ADGRL2: variants seen among roughly 807,000 people sequenced by gnomAD.
The protein encoded by ADGRL2 is calcium-independent alpha-latrotoxin receptor 2.
ADGRL2 carries 44 observed loss-of-function variants against 157.4 expected under a neutral mutation model. The observed-to-expected ratio is 0.28, with a 90% CI of 0.22 to 0.36. ADGRL2 has a LOEUF of 0.36. ADGRL2 is among the 10% of genes least tolerant of loss of function. ADGRL2 has a pLI of 1.00. For synonymous variants in ADGRL2, 585 were observed against 624.7 expected, an observed-to-expected ratio of 0.94 and a Z score of 0.95; for missense variants, 1,510 against 1,768.9, an observed-to-expected ratio of 0.85 and a Z score of 2.63.
At chr1:81,896,601 T>A (rs1298692142) in intron 2 of ADGRL2, among the ~76,000 whole-genome samples, 1 of 152,188 alleles carries the variant, frequency 6.6e-6, no homozygotes, top group Non-Finnish European at 1.5e-5. Flanking sequence ...ACTGTGGTCT[T>A]TTTGTTTCTT....
At chr1:81,762,922 A>T (rs2085939733) in intron 2 of ADGRL2, among the ~76,000 whole-genome samples, 1 of 151,560 alleles carries the variant, frequency 6.6e-6, no homozygotes, top group Non-Finnish European at 1.5e-5. Context: ...TGTGGTGGTG[A>T]GCCCCTGTAG....
chr1:81,663,461 T>G (rs1360909741), intron 3 of ADGRL2, among the ~76,000 whole-genome samples: 2 of 152,172 alleles, frequency 1.3e-5, no homozygotes, highest in African/African-American at 4.8e-5. Context: ...GGAATGCTTG[T>G]GCTAGTTTTA....
At chr1:81,403,375 A>C (rs565150238) in intron 1 of ADGRL2, among the ~76,000 whole-genome samples, 7 of 151,854 alleles carry the variant, frequency 4.6e-5, no homozygotes, top group Non-Finnish European at 8.8e-5. Flanking sequence ...AGAGATTCTC[A>C]TACCTCAACC....
At chr1:81,403,998 A>G (rs1375814292) in intron 1 of ADGRL2, among the ~76,000 whole-genome samples, 3 of 152,148 alleles carry the variant, frequency 2.0e-5, no homozygotes, top group Non-Finnish European at 2.9e-5. Context: ...GGGTTTTGCC[A>G]TGGTGGCCAG....
At chr1:81,311,275 T>G (rs1659736325) in intron 1 of ADGRL2, among the ~76,000 whole-genome samples, 1 of 152,240 alleles carries the variant, frequency 6.6e-6, no homozygotes, top group African/African-American at 2.4e-5. Context: ...ATTGTTGTTA[T>G]ACATAGTTCC....
At chr1:81,651,870 G>A (rs186289736) in intron 3 of ADGRL2, among the ~76,000 whole-genome samples, 139 of 152,100 alleles carry the variant, frequency 9.1e-4, no homozygotes, top group Non-Finnish European at 1.5e-3. Context: ...AGAGGCACAC[G>A]CCACTGCACC....
chr1:81,895,196 A>T (rs1313386939), intron 2 of ADGRL2, among the ~76,000 whole-genome samples: 1 of 152,120 alleles, frequency 6.6e-6, no homozygotes, highest in African/African-American at 2.4e-5. Flanking sequence ...GTTAACCCAA[A>T]TAAGTTCTAG....
rs146090735 is a variant in ADGRL2, at chr1:81,502,525, C to T, written c.-248+57436C>T. On this transcript the variant is annotated intron_variant, in intron 2 of 24. Transcript: ENST00000370721. The stretch of plus-strand genomic sequence containing the variant: ...CCATCATGGCCAAACAGATCCTGGA[C>T]CTGTACATGCTGTATAAGCTGGTGA... 3.3e-3 allele frequency: 5,265 copies of T among 1,613,924 alleles called. 139 individuals are homozygous for T. The African/African-American group carries it at 0.059, about 18-fold the overall frequency.
At chr1:81,795,820 G>A (rs2087557514), upstream of ADGRL2, among the ~76,000 whole-genome samples, 1 of 152,154 alleles carries the variant, frequency 6.6e-6, no homozygotes, top group Non-Finnish European at 1.5e-5. Context: ...AGCAATACAT[G>A]ATACTTTATC....
chr1:81,682,096 C>CAT (rs1011032357), intron 3 of ADGRL2, among the ~76,000 whole-genome samples: 1 of 100,134 alleles, frequency 1.0e-5, no homozygotes, highest in African/African-American at 4.1e-5. Context: ...CATATATATA[C>CAT]ATATATATGT....
chr1:81,362,852 T>A (rs867262660), intron 1 of ADGRL2, among the ~76,000 whole-genome samples: 2 of 152,028 alleles, frequency 1.3e-5, no homozygotes, highest in South Asian at 4.1e-4. Context: ...CATGATTTAC[T>A]TAACCATTCC....
At chr1:81,560,063 C>T (rs922145898) in intron 2 of ADGRL2, among the ~76,000 whole-genome samples, 2 of 151,972 alleles carry the variant, frequency 1.3e-5, no homozygotes, top group Admixed American at 6.6e-5. Context: ...TTTTTTTAAT[C>T]CAGACAAAGA....
At chr1:81,449,280 G>T (rs1404589579) in intron 2 of ADGRL2, among the ~76,000 whole-genome samples, 2 of 151,968 alleles carry the variant, frequency 1.3e-5, no homozygotes, top group Non-Finnish European at 2.9e-5. Context: ...GCTTTTGGGG[G>T]CTAAATAACC....
At chr1:81,412,585 G>A (rs2076965047) in intron 1 of ADGRL2, among the ~76,000 whole-genome samples, 1 of 152,170 alleles carries the variant, frequency 6.6e-6, no homozygotes, top group South Asian at 2.1e-4. Context: ...AGCTCGCTGG[G>A]GGAAGAGACT....
chr1:81,459,003 G>A (rs2077865871), intron 2 of ADGRL2, among the ~76,000 whole-genome samples: 1 of 152,178 alleles, frequency 6.6e-6, no homozygotes, highest in South Asian at 2.1e-4. Flanking sequence ...TCTCAGTGGA[G>A]AGGGGATCTG....
At chr1:81,709,964 A>C (rs1182736798) in intron 1 of ADGRL2, among the ~76,000 whole-genome samples, 1 of 152,124 alleles carries the variant, frequency 6.6e-6, no homozygotes, top group African/African-American at 2.4e-5. Flanking sequence ...CACCAACTCA[A>C]CTTGATTTAA....
intron 1 of ADGRL2, among the ~76,000 whole-genome samples, chr1:81,313,492 G>C (rs1472214245): frequency 6.6e-6 from 1 of 152,180 alleles, no homozygotes; most frequent in Non-Finnish European, 1.5e-5. Flanking sequence ...TGGCATGCCT[G>C]TCTGCTCTTA....
At chr1:81,532,214 A>G (rs1224635446) in intron 2 of ADGRL2, among the ~76,000 whole-genome samples, 2 of 152,166 alleles carry the variant, frequency 1.3e-5, no homozygotes, top group Non-Finnish European at 2.9e-5. Flanking sequence ...AGTACTTAGC[A>G]CAACGATAAT....
chr1:81,431,453 C>G (rs1032933618), intron 1 of ADGRL2, among the ~76,000 whole-genome samples: 3 of 152,058 alleles, frequency 2.0e-5, no homozygotes, highest in African/African-American at 4.8e-5. Context: ...ACAAACGTGG[C>G]CCCTAGAGAA....
Sources: allele counts gnomAD v4.1 joint callset (sites outside exome capture counted in the v4.1 genomes callset), GRCh38; gene constraint gnomAD v4.1.1; transcripts MANE v1.5; gene names NCBI Gene and HGNC (gene_info 2026-07-23, HGNC 2026-07-21).